The following NRXN3 variants were observed in gnomAD, a reference collection of about 807,000 sequenced individuals.
NRXN3 encodes the protein neurexin 3.
In NRXN3, 32 loss-of-function variants were observed where a neutral mutation model predicts 137.6. The ratio of observed to expected loss-of-function variants is 0.23; its 90% CI spans 0.18 to 0.31. NRXN3 has a LOEUF of 0.31. NRXN3 is among the 10% of genes least tolerant of loss of function. The probability of loss-of-function intolerance (pLI) is 1.00; values close to 1 mark genes in which losing one functional copy is unlikely to be tolerated. For missense variants in NRXN3, 1,574 were observed against 2,062.5 expected, an observed-to-expected ratio of 0.76 and a Z score of 4.59; for synonymous variants, 798 against 784.5, an observed-to-expected ratio of 1.02 and a Z score of -0.29.
intron 4 of NRXN3, among the ~76,000 whole-genome samples, chr14:78,476,360 T>C (rs2095378075): frequency 6.6e-6 from 1 of 152,302 alleles, no homozygotes; most frequent in African/African-American, 2.4e-5. Context: ...AAGGAGGTGA[T>C]ATTAAATTGA....
intron 15 of NRXN3, among the ~76,000 whole-genome samples, chr14:79,040,240 T>G (rs115240315): frequency 2.9e-4 from 44 of 152,324 alleles, no homozygotes; most frequent in Non-Finnish European, 5.1e-4. Flanking sequence ...GGCCTGCATA[T>G]CATCAGTGTC....
At chr14:78,297,034 T>C (rs1410294456) in intron 3 of NRXN3, among the ~76,000 whole-genome samples, 1 of 152,224 alleles carries the variant, frequency 6.6e-6, no homozygotes, top group Non-Finnish European at 1.5e-5. Flanking sequence ...AATATCCCTG[T>C]TTGCCTTCCA....
chr14:79,837,552 T>C (rs369767672), intron 20 of NRXN3, among the ~76,000 whole-genome samples: 2 of 152,174 alleles, frequency 1.3e-5, no homozygotes, highest in African/African-American at 4.8e-5. Context: ...GAAAACACAC[T>C]GAACAGAAAT....
chr14:79,649,580 G>A (rs556974797), intron 16 of NRXN3, among the ~76,000 whole-genome samples: 73 of 152,230 alleles, frequency 4.8e-4, no homozygotes, highest in African/African-American at 1.7e-3. Context: ...ACTTGTCTGT[G>A]TTTGTATATG....
At chr14:78,179,231 C>A (rs1032374525) in intron 1 of NRXN3, among the ~76,000 whole-genome samples, 6 of 152,016 alleles carry the variant, frequency 3.9e-5, no homozygotes, top group Admixed American at 2.6e-4. Flanking sequence ...TAGATACAGG[C>A]AGGGAGGATG....
rs930302704 is a variant in NRXN3, at chr14:79,861,417, G to A, written c.4169G>A (p.Arg1390Lys). ...HAPKWESKDF[R>K]PNKVSETSRT... is the part of the protein sequence containing the mutation. Reference sequence around the variant, plus strand: ...CCCAAGTGGGAATCCAAGGACTTTAGACCTAACAAAGTCTCCGAAACTAGT... The same window carrying A: ...CCCAAGTGGGAATCCAAGGACTTTAAACCTAACAAAGTCTCCGAAACTAGT... Residue 1390 changes from arginine to lysine, a missense_variant, in exon 21 of 21, where the codon AGA (arginine) becomes AAA (lysine). Physicochemically the swap from Arg to Lys is conservative, Grantham distance 26 (BLOSUM62 2). Around this residue, in one of 5 missense-constraint regions of NRXN3, gnomAD observed 320 missense variants for 387.1 expected, o/e 0.83. Coordinates refer to ENST00000335750, the MANE Select transcript of NRXN3 (RefSeq NM_001330195.2). This position sits in a 1 kb window ranked among gnomAD's most constrained non-coding sequence, Gnocchi z 5.4. 4.6e-6 allele frequency: 7 copies of A among 1,536,154 alleles called. No individual in the cohort carries two copies. In the African/African-American group the frequency reaches 8.2e-5, roughly 18 times the overall value.
chr14:78,588,725 A>G lies in NRXN3; in HGVS notation c.758-56395A>G, dbSNP rs142702429. 2.0e-5 allele frequency among the ~76,000 whole-genome samples: 3 copies of G among 152,324 alleles called. No individual in the cohort carries two copies. In the East Asian group the frequency reaches 5.8e-4, roughly 29 times the overall value. ...CTACATCTGTGAAGCATCATTCTTA[A>G]GGTATATCCAGGGCATTTGGCTCCA... On this transcript the variant is annotated intron_variant, in intron 4 of 20. Transcript: ENST00000335750.
intron 15 of NRXN3, among the ~76,000 whole-genome samples, chr14:79,054,166 G>T (rs374794814): frequency 1.6e-5 from 2 of 126,660 alleles, no homozygotes; most frequent in East Asian, 2.7e-4. Context: ...GTTGTGGGGT[G>T]GGGGGAGGGG....
At chr14:79,540,540 G>A (rs986863751) in intron 16 of NRXN3, among the ~76,000 whole-genome samples, 7 of 152,106 alleles carry the variant, frequency 4.6e-5, no homozygotes, top group Admixed American at 3.3e-4. Flanking sequence ...CCATTTAACT[G>A]TAACTTTGTA....
intron 10 of NRXN3, 67 bp from the exon 11 acceptor site, chr14:78,957,170 TTTTGA>T (rs2099398397): frequency 6.4e-7 from 1 of 1,558,252 alleles, no homozygotes; most frequent in South Asian, 1.2e-5. Flanking sequence ...ACCAGTGTGG[TTTTGA>T]CAACCCTGAT....
chr14:78,825,219 A>G (rs1318992465), intron 10 of NRXN3, among the ~76,000 whole-genome samples: 1 of 140,646 alleles, frequency 7.1e-6, no homozygotes, highest in South Asian at 2.3e-4. Flanking sequence ...AAAAAAAAAG[A>G]AAAAGAAAAA....
At chr14:78,637,753 C>T (rs557427158) in intron 4 of NRXN3, among the ~76,000 whole-genome samples, 7 of 152,278 alleles carry the variant, frequency 4.6e-5, no homozygotes, top group South Asian at 2.1e-4. Flanking sequence ...AACATGAATC[C>T]GTTGTCAGGG....
At chr14:78,806,285 G>C (rs1192441252) in intron 9 of NRXN3, among the ~76,000 whole-genome samples, 1 of 152,074 alleles carries the variant, frequency 6.6e-6, no homozygotes, top group Admixed American at 6.5e-5. Context: ...TCTCATGCTT[G>C]TGTAAATGCA....
chr14:78,170,389 C>G lies in NRXN3; in HGVS notation c.-989C>G, dbSNP rs2058620779. 6.6e-6 allele frequency: 1 copy of G among 152,358 alleles called. No homozygotes were observed. Among genetic ancestry groups the G allele is most frequent in the Admixed American group, 6.5e-5 (1 of 15,280 alleles). 9.4% of individuals were successfully genotyped at this position (152,358 alleles called of 1,614,324 possible). ...TCCTCCAGCAGTCTCAGGCTCAGCG[C>G]TCAGCCCTACACATCGCCTCTTGCA... On this transcript the variant is annotated 5_prime_UTR_variant, in exon 1 of 21. Coordinates refer to ENST00000335750, the MANE Select transcript of NRXN3 (RefSeq NM_001330195.2).
intron 16 of NRXN3, among the ~76,000 whole-genome samples, chr14:79,558,041 T>G (rs994923221): frequency 2.0e-5 from 3 of 152,134 alleles, no homozygotes; most frequent in Non-Finnish European, 2.9e-5. Context: ...TCCTCATCCA[T>G]AAGCAGAAAC....
intron 16 of NRXN3, among the ~76,000 whole-genome samples, chr14:79,585,452 C>T (rs545537942): frequency 6.6e-6 from 1 of 152,030 alleles, no homozygotes; most frequent in South Asian, 2.1e-4. Flanking sequence ...TTTGGGAGGC[C>T]AGGGCAGGCA....
intron 17 of NRXN3, among the ~76,000 whole-genome samples, chr14:79,677,614 T>C (rs115340790): frequency 2.7e-4 from 41 of 152,142 alleles, no homozygotes; most frequent in African/African-American, 8.0e-4. Flanking sequence ...AAGTGAAATC[T>C]AATAGTTTTG....
chr14:79,081,955 A>C (rs2047098220), intron 15 of NRXN3, among the ~76,000 whole-genome samples: 3 of 152,090 alleles, frequency 2.0e-5, no homozygotes, highest in Admixed American at 6.5e-5. Flanking sequence ...TCTCCCAAAT[A>C]ATAGATCCAA....
chr14:79,175,287 C>CT (rs2062215640), intron 15 of NRXN3, among the ~76,000 whole-genome samples: 1 of 152,058 alleles, frequency 6.6e-6, no homozygotes, highest in Non-Finnish European at 1.5e-5. Flanking sequence ...GCCCAGATTT[C>CT]TTTTTTAAAA....
Sources: allele counts gnomAD v4.1 joint callset (sites outside exome capture counted in the v4.1 genomes callset), GRCh38; gene constraint gnomAD v4.1.1; regional missense constraint gnomAD v4.1.1; non-coding constraint Gnocchi (gnomAD v3.1); transcripts MANE v1.5; gene names NCBI Gene and HGNC (gene_info 2026-07-23, HGNC 2026-07-21).